The following SORCS1 variants were observed in gnomAD, a reference collection of about 807,000 sequenced individuals.
SORCS1 encodes the protein sortilin related VPS10 domain containing receptor 1.
A neutral mutation model predicts 146.1 loss-of-function variants in SORCS1; 60 were observed. The observed-to-expected ratio is 0.41, with a 90% CI of 0.33 to 0.51. The LOEUF is 0.51. Among genes scored for constraint, SORCS1 ranks in the 20% least tolerant of loss-of-function variants. The probability of loss-of-function intolerance (pLI) is 0.21; values close to 1 mark genes in which losing one functional copy is unlikely to be tolerated. For missense variants in SORCS1, 1,352 were observed against 1,487.6 expected (o/e 0.91, Z 1.50); for synonymous variants, 637 against 584.0 (o/e 1.09, Z -1.31).
At chr10:107,036,273 T>C (rs1410506769) in intron 1 of SORCS1, among the ~76,000 whole-genome samples, 2 of 152,236 alleles carry the variant, frequency 1.3e-5, no homozygotes. Context: ...GTAGGTATTC[T>C]AAGTAATCTA....
rs528696934 is a variant in SORCS1 at position 107,076,373 on chromosome 10, CT to C, written c.558+87595del. ...GCCCAAACATGTTTGACTTTGGAAG[CT>C]TTTTTAATATTTTGGTTAACACCTA... On this transcript the variant is annotated intron_variant, in intron 1 of 25. Transcript: ENST00000263054. Among the ~76,000 whole-genome samples, 656 of 152,130 alleles carry C rather than the reference CT, an allele frequency of 4.3e-3. 4 individuals are homozygous for C. Among genetic ancestry groups the C allele is most frequent in the Non-Finnish European group, 7.6e-3 (517 of 67,954 alleles).
chr10:107,029,360 A>G (rs1429098092), intron 1 of SORCS1, among the ~76,000 whole-genome samples: 1 of 152,200 alleles, frequency 6.6e-6, no homozygotes, highest in African/African-American at 2.4e-5. Flanking sequence ...CACATTCGTC[A>G]AAAGAATTCC....
intron 17 of SORCS1, among the ~76,000 whole-genome samples, chr10:106,659,377 G>A (rs1850548346): frequency 1.3e-5 from 2 of 152,164 alleles, no homozygotes; most frequent in Non-Finnish European, 2.9e-5. Flanking sequence ...GGGACATATG[G>A]CCACACACAC....
chr10:106,600,988 C>T (rs1003779439), intron 23 of SORCS1, among the ~76,000 whole-genome samples: 5 of 152,154 alleles, frequency 3.3e-5, no homozygotes, highest in African/African-American at 7.2e-5. Context: ...GCCCCAATGC[C>T]CAGTGACCAA....
rs1847012254 is a variant in SORCS1 at position 106,611,840 on chromosome 10, C to T, written c.3033+71G>A. 137 of 1,174,722 alleles carry T rather than the reference C, an allele frequency of 1.2e-4. 5 individuals carry two copies. The South Asian group carries it at 1.6e-3, about 14-fold the overall frequency. The allele number at this position is 1,174,722 out of a possible 1,614,324, so 72.8% of individuals were successfully genotyped here. A position where few individuals can be genotyped will look rare whatever the true frequency, so the allele number is the denominator to read the frequency against. ...TTTGTTTGTTTTTGTACAAAGCTCC[C>T]CTTTCTGTGAAATTCTTCAAGGACA... On this transcript the variant is annotated intron_variant, in intron 22 of 25. Transcript: ENST00000263054.
intron 1 of SORCS1, among the ~76,000 whole-genome samples, chr10:107,084,250 C>A (rs1332150525): frequency 6.6e-6 from 1 of 150,424 alleles, no homozygotes; most frequent in Non-Finnish European, 1.5e-5. Flanking sequence ...TGCCCACCAC[C>A]ATACCCGGCT....
At chr10:107,065,829 A>G (rs1961797412) in intron 1 of SORCS1, among the ~76,000 whole-genome samples, 1 of 151,968 alleles carries the variant, frequency 6.6e-6, no homozygotes, top group African/African-American at 2.4e-5. Flanking sequence ...TAGGCTGAAC[A>G]TTTCATCCAT....
At chr10:106,862,956 T>C (rs763179054) in intron 2 of SORCS1, among the ~76,000 whole-genome samples, 7 of 152,200 alleles carry the variant, frequency 4.6e-5, no homozygotes, top group Non-Finnish European at 8.8e-5. Context: ...TTGTCAAATA[T>C]GCAAAGGCAC....
At chr10:106,681,102 A>G (rs2135564785) in intron 10 of SORCS1, among the ~76,000 whole-genome samples, 1 of 152,354 alleles carries the variant, frequency 6.6e-6, no homozygotes, top group East Asian at 1.9e-4. Flanking sequence ...ACTAAAGAAG[A>G]CAGCCCCTAT....
At chr10:106,791,273 C>T (rs1946307214) in intron 3 of SORCS1, among the ~76,000 whole-genome samples, 1 of 152,140 alleles carries the variant, frequency 6.6e-6, no homozygotes, top group African/African-American at 2.4e-5. Context: ...AAATATGCCA[C>T]TATGTAATTA....
chr10:107,103,497 GT>G (rs1161363627), intron 1 of SORCS1, among the ~76,000 whole-genome samples: 1 of 152,150 alleles, frequency 6.6e-6, no homozygotes, highest in Admixed American at 6.5e-5. Flanking sequence ...TCAGCATAAG[GT>G]CTCTTTGTCC....
intron 24 of SORCS1, among the ~76,000 whole-genome samples, chr10:106,591,311 A>G (rs1845591642): frequency 6.6e-6 from 1 of 152,138 alleles, no homozygotes; most frequent in African/African-American, 2.4e-5. Flanking sequence ...ATTCCCCACA[A>G]TGTGTATATA....
chr10:106,667,789 C>T lies in SORCS1; in HGVS notation c.2203G>A (p.Glu735Lys). ...EADFDCDYGYERHSNGQCLPA... is the reference protein window; with the variant it reads ...EADFDCDYGYKRHSNGQCLPA... ...AGGCACTGGCCATTGCTGTGTCGCT[C>T]ATAACCATAGTCGCTGTTAGGAAAG... Residue 735 changes from glutamate (E) to lysine (K), a missense_variant, in exon 17 of 26, where the codon GAG becomes AAG. By Grantham distance (56) the Glu-to-Lys change is moderately conservative (BLOSUM62 1). Transcript: ENST00000263054. The T allele has an allele frequency of 6.2e-7, 1 of 1,613,812 alleles. No individual in the cohort carries two copies. The highest frequency in any genetic ancestry group is 8.5e-7 in the Non-Finnish European group (1 of 1,179,902).
At chr10:106,738,508 T>C (rs148235338) in intron 5 of SORCS1, among the ~76,000 whole-genome samples, 1 of 152,276 alleles carries the variant, frequency 6.6e-6, no homozygotes, top group African/African-American at 2.4e-5. Flanking sequence ...TGCTAAGGAC[T>C]TCCTGGAGGG....
intron 1 of SORCS1, among the ~76,000 whole-genome samples, chr10:107,035,923 T>A (rs972740960): frequency 6.7e-5 from 10 of 148,898 alleles, no homozygotes; most frequent in African/African-American, 2.4e-4. Flanking sequence ...AAATATATAT[T>A]ATGTTTATAA....
chr10:106,761,856 T>G (rs1859137559), intron 4 of SORCS1, among the ~76,000 whole-genome samples, 195 bp from the exon 5 acceptor site: 1 of 152,246 alleles, frequency 6.6e-6, no homozygotes, highest in African/African-American at 2.4e-5. Context: ...TATCATCATT[T>G]TACAGTTGAG....
intron 19 of SORCS1, among the ~76,000 whole-genome samples, chr10:106,626,194 CT>C (rs1180560432): frequency 6.6e-6 from 1 of 152,096 alleles, no homozygotes; most frequent in Non-Finnish European, 1.5e-5. Flanking sequence ...AAGATTGCCC[CT>C]GAGGGTAGGA....
At chr10:106,853,011 T>G (rs1478964966) in intron 2 of SORCS1, among the ~76,000 whole-genome samples, 1 of 152,208 alleles carries the variant, frequency 6.6e-6, no homozygotes, top group Non-Finnish European at 1.5e-5. Flanking sequence ...GTATTCCCTC[T>G]GCTTCTGTAT....
At chr10:107,015,711 A>C (rs1388024285) in intron 1 of SORCS1, among the ~76,000 whole-genome samples, 1 of 152,102 alleles carries the variant, frequency 6.6e-6, no homozygotes, top group East Asian at 1.9e-4. Flanking sequence ...TTTTGCAAGG[A>C]CTCTTTCCCC....
Sources: allele counts gnomAD v4.1 joint callset (sites outside exome capture counted in the v4.1 genomes callset), GRCh38; gene constraint gnomAD v4.1.1; transcripts MANE v1.5; gene names NCBI Gene and HGNC (gene_info 2026-07-23, HGNC 2026-07-21).